Variants in RNF217 observed in about 807,000 individuals in gnomAD.
The protein encoded by RNF217 is ring finger protein 217.
A neutral mutation model predicts 57.8 loss-of-function variants in RNF217; 31 were observed. That is an observed-to-expected ratio of 0.54 (90% CI 0.40 to 0.72). The LOEUF (loss-of-function observed/expected upper bound fraction) is 0.72. Among genes scored for constraint, RNF217 ranks in the 30% least tolerant of loss-of-function variants. The pLI is 0.00. For missense variants in RNF217, 696 were observed against 708.3 expected, an observed-to-expected ratio of 0.98 and a Z score of 0.20; for synonymous variants, 313 against 294.0, an observed-to-expected ratio of 1.06 and a Z score of -0.66.
intron 3 of RNF217, among the ~76,000 whole-genome samples, chr6:125,061,604 C>A (rs1228297400): frequency 6.6e-6 from 1 of 150,728 alleles, no homozygotes; most frequent in Non-Finnish European, 1.5e-5. Context: ...CTATTTCTTC[C>A]TTTTTATTTG....
intron 1 of RNF217, among the ~76,000 whole-genome samples, chr6:124,967,041 G>A (rs1320847472): frequency 6.6e-6 from 1 of 152,202 alleles, no homozygotes; most frequent in South Asian, 2.1e-4. Flanking sequence ...TGAGCTGACA[G>A]ATTATGAATC....
Position 125,082,853 on chromosome 6 carries a change from C to G in RNF217, c.1556-11C>G. 1.9e-6 allele frequency: 3 copies of G among 1,581,938 alleles called. No homozygotes were observed. The South Asian group carries it at 3.5e-5, about 18-fold the overall frequency. On this transcript the variant is annotated splice_polypyrimidine_tract_variant and intron_variant, in intron 5 of 5. Transcript: ENST00000521654. Reference sequence around the variant, plus strand: ...TCATCCTAACTAACTTTAATTTTTTCTTATCCCTAGGTTTATTTGTATTTC... The same window carrying G: ...TCATCCTAACTAACTTTAATTTTTTGTTATCCCTAGGTTTATTTGTATTTC...
intron 4 of RNF217, among the ~76,000 whole-genome samples, chr6:125,077,638 G>C (rs1788429158): frequency 1.3e-5 from 2 of 152,124 alleles, no homozygotes; most frequent in African/African-American, 2.4e-5. Flanking sequence ...TTCTTCTTCT[G>C]CTCCTCTGGA....
intron 1 of RNF217, among the ~76,000 whole-genome samples, chr6:124,987,819 T>A (rs1784413667): frequency 6.6e-6 from 1 of 152,186 alleles, no homozygotes; most frequent in Admixed American, 6.5e-5. Context: ...AACACTTGAA[T>A]CTTGTGATTC....
chr6:124,983,823 C>A (rs1370571061), intron 1 of RNF217, among the ~76,000 whole-genome samples: 1 of 152,126 alleles, frequency 6.6e-6, no homozygotes, highest in Non-Finnish European at 1.5e-5. Context: ...CAACAAAATA[C>A]TGAGACTGGG....
intron 2 of RNF217, among the ~76,000 whole-genome samples, chr6:125,053,266 A>C (rs755388156): frequency 6.6e-6 from 1 of 152,080 alleles, no homozygotes. Flanking sequence ...GTCAGACCCC[A>C]GTAAGTTCCT....
intron 3 of RNF217, 44 bp downstream of exon 3, chr6:125,058,150 G>T (rs1175028008): frequency 6.5e-7 from 1 of 1,528,264 alleles, no homozygotes; most frequent in East Asian, 2.3e-5. Flanking sequence ...TGTACATCTG[G>T]ATGTGACTGA....
chr6:125,066,038 ACT>A (rs1215550668), intron 3 of RNF217, among the ~76,000 whole-genome samples: 2 of 151,878 alleles, frequency 1.3e-5, no homozygotes, highest in African/African-American at 4.8e-5. Context: ...GTTATCCCAG[ACT>A]CTGCTTCTTT....
At chr6:125,058,166 AT>A in intron 3 of RNF217, 60 bp downstream of exon 3, 2 of 1,403,594 alleles carry the variant, frequency 1.4e-6, no homozygotes, top group South Asian at 1.5e-5. Flanking sequence ...ACTGAACAAT[AT>A]TTACATTATT....
chr6:125,025,457 C>T (rs1786038239), intron 1 of RNF217, among the ~76,000 whole-genome samples: 2 of 151,790 alleles, frequency 1.3e-5, no homozygotes, highest in African/African-American at 4.8e-5. Flanking sequence ...GGTGAGATTC[C>T]TGACAAGGCA....
chr6:124,985,860 G>A (rs1262273734), intron 1 of RNF217, among the ~76,000 whole-genome samples: 2 of 152,104 alleles, frequency 1.3e-5, no homozygotes, highest in African/African-American at 2.4e-5. Context: ...TATTAATAAA[G>A]GGGTGTTGTG....
At chr6:125,048,749 G>A (rs895598073) in intron 2 of RNF217, among the ~76,000 whole-genome samples, 1 of 152,124 alleles carries the variant, frequency 6.6e-6, no homozygotes, top group African/African-American at 2.4e-5. Context: ...TACTCAGCAG[G>A]TGGATAAAGG....
intron 1 of RNF217, among the ~76,000 whole-genome samples, chr6:125,033,077 C>G (rs1407077213): frequency 2.0e-5 from 3 of 151,884 alleles, no homozygotes; most frequent in Non-Finnish European, 2.9e-5. Flanking sequence ...TGTGAAGTAC[C>G]CATAAAGTCT....
rs1266533251 is a variant in RNF217 at position 125,085,136 on chromosome 6, GT to G, written c.*2203del. The G allele has an allele frequency of 6.6e-6, 1 of 151,792 alleles. No homozygotes were observed. Among genetic ancestry groups the G allele is most frequent in the Non-Finnish European group, 1.5e-5 (1 of 67,810 alleles). 9.4% of individuals were successfully genotyped at this position (151,792 alleles called of 1,614,324 possible). A position where few individuals can be genotyped will look rare whatever the true frequency, so the allele number is the denominator to read the frequency against. ...CATACTCTTTTGTCTTGGATAATCT[GT>G]TTTCTGGGTTATGTATCTGTTGTCT... is the stretch of plus-strand genomic sequence containing the variant. On this transcript the variant is annotated 3_prime_UTR_variant, in exon 6 of 6. Coordinates refer to ENST00000521654, the MANE Select transcript of RNF217 (RefSeq NM_001286398.3).
intron 3 of RNF217, among the ~76,000 whole-genome samples, chr6:125,068,601 T>G (rs1431613102): frequency 6.6e-6 from 1 of 152,214 alleles, no homozygotes; most frequent in African/African-American, 2.4e-5. Flanking sequence ...AAAATATTTT[T>G]TCATGCATTT....
intron 1 of RNF217, among the ~76,000 whole-genome samples, chr6:124,972,738 T>G (rs1417255970): frequency 6.6e-6 from 1 of 152,342 alleles, no homozygotes; most frequent in Admixed American, 6.5e-5. Context: ...ACACCCATTC[T>G]TCTAGTTCAG....
At chr6:125,018,661 A>G (rs1785701727) in intron 1 of RNF217, among the ~76,000 whole-genome samples, 1 of 152,212 alleles carries the variant, frequency 6.6e-6, no homozygotes. Context: ...GAATATCAAC[A>G]ATAAAGAGGC....
At chr6:125,043,672 A>G (rs1253928862) in intron 1 of RNF217, among the ~76,000 whole-genome samples, 14 of 152,128 alleles carry the variant, frequency 9.2e-5, no homozygotes. Flanking sequence ...TTGAGGCAGA[A>G]CAAAATAATT....
At chr6:125,025,330 A>T (rs775956154) in intron 1 of RNF217, among the ~76,000 whole-genome samples, 2 of 152,204 alleles carry the variant, frequency 1.3e-5, no homozygotes, top group Non-Finnish European at 2.9e-5. Context: ...TGGACAGATG[A>T]TAAGGACTGG....
Sources: allele counts gnomAD v4.1 joint callset (sites outside exome capture counted in the v4.1 genomes callset), GRCh38; gene constraint gnomAD v4.1.1; transcripts MANE v1.5; gene names NCBI Gene and HGNC (gene_info 2026-07-23, HGNC 2026-07-21).